The following RIC1 variants were observed in gnomAD, a reference collection of about 807,000 sequenced individuals.
The protein encoded by RIC1 is RIC1 partner of RAB6A GEF complex.
A neutral mutation model predicts 169.0 loss-of-function variants in RIC1; 88 were observed. The ratio of observed to expected loss-of-function variants is 0.52; its 90% confidence interval spans 0.44 to 0.62. The LOEUF is 0.62. RIC1 is among the 20% of genes least tolerant of loss of function. RIC1 has a pLI of 0.00. For missense variants in RIC1, 1,877 were observed against 1,725.5 expected (o/e 1.09, Z -1.56); for synonymous variants, 790 against 601.5 (o/e 1.31, Z -4.59).
chr9:5,776,941 C>T (rs570130991), downstream of RIC1, among the ~76,000 whole-genome samples: 35 of 152,178 alleles, frequency 2.3e-4, no homozygotes, highest in African/African-American at 8.4e-4. Context: ...TAATTTCAGT[C>T]TCCATGGATT....
In RIC1 at chr9:5,633,207, A is replaced by G. The variant is rs150257673; in HGVS notation, c.144+3754A>G. ...CATGGAAAAAAACAATGATATGTCAAAAGAACCAAGCTTTGGATCAGGTAT... is the reference window on the plus strand; with the variant it reads ...CATGGAAAAAAACAATGATATGTCAGAAGAACCAAGCTTTGGATCAGGTAT... On this transcript the variant is annotated intron_variant, in intron 1 of 25. Transcript: ENST00000414202. 1.1e-3 allele frequency among the ~76,000 whole-genome samples: 161 copies of G among 152,332 alleles called. 2 individuals are homozygous for G. The highest frequency in any genetic ancestry group is 3.5e-3 in the African/African-American group (146 of 41,580).
chr9:5,665,541 A>G (rs1162552938), intron 2 of RIC1, among the ~76,000 whole-genome samples: 2 of 151,940 alleles, frequency 1.3e-5, no homozygotes, highest in African/African-American at 4.8e-5. Context: ...AGTTTTTAGC[A>G]TTTTTGCATT....
intron 2 of RIC1, among the ~76,000 whole-genome samples, chr9:5,679,698 G>A (rs1250658393): frequency 1.3e-5 from 2 of 152,212 alleles, no homozygotes; most frequent in East Asian, 1.9e-4. Flanking sequence ...TTTGTATCCT[G>A]AGACTTTGCT....
chr9:5,705,943 T>C (rs999974958), intron 3 of RIC1, among the ~76,000 whole-genome samples: 2 of 152,258 alleles, frequency 1.3e-5, no homozygotes, highest in African/African-American at 4.8e-5. Context: ...GATTACATTG[T>C]ATTACATTGA....
chr9:5,710,654 C>A (rs1193317480), intron 3 of RIC1, among the ~76,000 whole-genome samples: 2 of 151,896 alleles, frequency 1.3e-5, no homozygotes. Flanking sequence ...GAAACACATA[C>A]CAGAAAAAAG....
chr9:5,672,140 G>T (rs116320815), intron 2 of RIC1, among the ~76,000 whole-genome samples: 1,737 of 152,266 alleles, frequency 0.011, 47 homozygotes, highest in African/African-American at 0.04. Context: ...ATGTGAGCTT[G>T]TCTGCCTCTG....
At chr9:5,648,434 C>T (rs945875037) in intron 1 of RIC1, among the ~76,000 whole-genome samples, 19 of 152,104 alleles carry the variant, frequency 1.2e-4, no homozygotes, top group African/African-American at 4.6e-4. Flanking sequence ...TTGGTGGACA[C>T]TTAGGTTGAT....
intron 2 of RIC1, among the ~76,000 whole-genome samples, chr9:5,667,764 C>G (rs1563882807): frequency 1.3e-5 from 2 of 152,126 alleles, no homozygotes. Context: ...CTTGGCCTGT[C>G]AAGTGCTGGG....
chr9:5,692,701 TAA>T (rs1437543575), intron 3 of RIC1, among the ~76,000 whole-genome samples: 2 of 152,036 alleles, frequency 1.3e-5, no homozygotes, highest in African/African-American at 4.8e-5. Flanking sequence ...CTTTCATTGT[TAA>T]GAGGATTATG....
chr9:5,777,740 TA>T (rs939057022), downstream of RIC1, among the ~76,000 whole-genome samples: 1 of 152,196 alleles, frequency 6.6e-6, no homozygotes, highest in African/African-American at 2.4e-5. Context: ...GAGCACCATT[TA>T]TGGAAAGGAT....
intron 7 of RIC1, among the ~76,000 whole-genome samples, chr9:5,734,374 G>C (rs1447126233): frequency 2.0e-5 from 3 of 151,962 alleles, no homozygotes; most frequent in Non-Finnish European, 2.9e-5. Flanking sequence ...AAAGTGCTGT[G>C]ATTACAGGTG....
intron 23 of RIC1, among the ~76,000 whole-genome samples, chr9:5,771,579 T>G (rs1403257168): frequency 1.4e-5 from 2 of 144,894 alleles, no homozygotes; most frequent in Non-Finnish European, 3.1e-5. Flanking sequence ...TCTACTTGCA[T>G]TTTTTTTGAG....
intron 3 of RIC1, among the ~76,000 whole-genome samples, chr9:5,693,818 A>G: frequency 6.6e-6 from 1 of 152,106 alleles, no homozygotes; most frequent in East Asian, 1.9e-4. Context: ...TGTTGAGAGC[A>G]GAGATTTTTT....
intron 2 of RIC1, among the ~76,000 whole-genome samples, chr9:5,676,964 TAACA>T (rs537699461): frequency 1.9e-3 from 297 of 152,348 alleles, no homozygotes; most frequent in African/African-American, 6.6e-3. Context: ...TTTGGGGCTG[TAACA>T]AACAAAACTA....
Position 5,680,538 on chromosome 9 carries a change from A to C in RIC1, c.253-9421A>C, listed in dbSNP as rs951655834. Among the ~76,000 whole-genome samples the C allele has an allele frequency of 3.3e-5, 5 of 152,270 alleles. No homozygotes were observed. In the East Asian group the frequency reaches 9.7e-4, roughly 29 times the overall value. ...TTCAGAGCCTGTTATTGGTCTATTC[A>C]GAGATTCTGCTTCTTCCTGGTTTAG... is the stretch of plus-strand genomic sequence containing the variant. On this transcript the variant is annotated intron_variant, in intron 2 of 25. Coordinates refer to ENST00000414202, the MANE Select transcript of RIC1 (RefSeq NM_020829.4).
rs577345998 is a variant in RIC1 at position 5,692,277 on chromosome 9, A to G, written c.332+2239A>G. Among the ~76,000 whole-genome samples the G allele has an allele frequency of 2.6e-5, 4 of 152,210 alleles. No individual in the cohort carries two copies. The South Asian group carries it at 8.3e-4, about 32-fold the overall frequency. ...TATATGACTTCTTTCAAGTTATTTA[A>G]TACCACCAAAAACTTTCCTCATCTG... is the stretch of plus-strand genomic sequence containing the variant. On this transcript the variant is annotated intron_variant, in intron 3 of 25. Coordinates refer to ENST00000414202, the MANE Select transcript of RIC1 (RefSeq NM_020829.4).
At chr9:5,656,779 T>A (rs1006410405) in intron 2 of RIC1, 89 bp downstream of exon 2, 1 of 736,110 alleles carries the variant, frequency 1.4e-6, no homozygotes, top group Non-Finnish European at 2.3e-6. Context: ...TTTCTTTCAG[T>A]CTTTTGCACT....
chr9:5,734,099 A>T (rs986816664), intron 7 of RIC1, among the ~76,000 whole-genome samples: 2 of 146,664 alleles, frequency 1.4e-5, no homozygotes, highest in African/African-American at 5.0e-5. Flanking sequence ...ATATATATAT[A>T]TATTTATTTT....
In RIC1 at chr9:5,686,308, C is replaced by A. The variant is rs575931739; in HGVS notation, c.253-3651C>A. On this transcript the variant is annotated intron_variant, in intron 2 of 25. Transcript: ENST00000414202. ...ACCCAAATGACTATAAATCATGCCG[C>A]TATAAAGACACATGCACACGTATGT... 6.3e-3 allele frequency among the ~76,000 whole-genome samples: 964 copies of A among 152,108 alleles called. 4 individuals are homozygous for A. Among genetic ancestry groups the A allele is most frequent in the Non-Finnish European group, 0.011 (739 of 68,002 alleles).
Sources: gnomAD v4.1 joint callset for allele counts (sites outside exome capture counted in the v4.1 genomes callset) on GRCh38, gnomAD v4.1.1 for gene constraint, MANE v1.5 for transcripts, NCBI Gene and HGNC (gene_info 2026-07-23, HGNC 2026-07-21) for gene names.